KLHL41: variants seen among roughly 807,000 people sequenced by gnomAD.
KLHL41 encodes kelch like family member 41.
KLHL41 carries 31 observed loss-of-function variants against 49.2 expected under a neutral mutation model. The observed-to-expected ratio is 0.63, with a 90% CI of 0.47 to 0.85. The LOEUF is 0.85. Ranked by LOEUF, KLHL41 falls within the 40% of genes least tolerant of loss-of-function variation. KLHL41 has a pLI of 0.00. For synonymous variants in KLHL41, 218 were observed against 258.5 expected (o/e 0.84, Z 1.50); for missense variants, 663 against 726.7 (o/e 0.91, Z 1.01).
Position 169,525,819 on chromosome 2 carries a change from T to TAAGA in KLHL41, c.*124_*127dup. The TAAGA allele has an allele frequency of 1.8e-6, 1 of 564,816 alleles. No homozygotes were observed. Among genetic ancestry groups the TAAGA allele is most frequent in the Non-Finnish European group, 3.1e-6 (1 of 320,188 alleles). The allele number at this position is 564,816 out of a possible 1,614,324, so 35.0% of individuals were successfully genotyped here. ...AGAAATTATTCAAGAAGTTATTGTC[T>TAAGA]AAGAGATGAGCAGTAGGTAAGAAAA... On this transcript the variant is annotated 3_prime_UTR_variant, in exon 6 of 6. Coordinates refer to ENST00000284669, the MANE Select transcript of KLHL41 (RefSeq NM_006063.3).
At chr2:169,523,679 G>A (rs1383995675) in intron 5 of KLHL41, among the ~76,000 whole-genome samples, 2 of 152,084 alleles carry the variant, frequency 1.3e-5, no homozygotes, top group African/African-American at 2.4e-5. Flanking sequence ...TCTCCAGCTG[G>A]TTCTATTGGC....
intron 5 of KLHL41, among the ~76,000 whole-genome samples, chr2:169,524,187 T>C (rs1458207608): frequency 6.6e-6 from 1 of 152,146 alleles, no homozygotes; most frequent in African/African-American, 2.4e-5. Context: ...AACTATTATT[T>C]ATCTCTTAAT....
chr2:169,518,425 ATTG>A (rs776592055), intron 4 of KLHL41, 50 bp downstream of exon 4: 2 of 1,344,572 alleles, frequency 1.5e-6, no homozygotes, highest in Non-Finnish European at 2.1e-6. Flanking sequence ...ATACATTTTA[ATTG>A]TTAACTTTGG....
intron 3 of KLHL41, among the ~76,000 whole-genome samples, 168 bp downstream of exon 3, chr2:169,515,129 G>A (rs1684094726): frequency 6.6e-6 from 1 of 151,544 alleles, no homozygotes; most frequent in Non-Finnish European, 1.5e-5. Flanking sequence ...CGCCTCCTGG[G>A]TTCAAGCGAT....
intron 4 of KLHL41, among the ~76,000 whole-genome samples, chr2:169,519,795 T>C (rs945242354): frequency 1.3e-5 from 2 of 152,038 alleles, no homozygotes; most frequent in Admixed American, 6.6e-5. Flanking sequence ...GGTTTCACCA[T>C]GTTGGTCAGG....
At position 169,521,708 on chromosome 2, in the gene KLHL41, C is replaced by A. The variant is rs924026547; in HGVS notation, c.1709+701C>A. 5.3e-5 allele frequency among the ~76,000 whole-genome samples: 8 copies of A among 152,284 alleles called. 1 individual carries two copies. The highest frequency in any genetic ancestry group is 2.0e-4 in the Admixed American group (3 of 15,292). ...TACCCAGCCTAAAGAAACATTTAAC[C>A]TCTTGAGCTTTCCACTACTTCATTA... is the stretch of plus-strand genomic sequence containing the variant. On this transcript the variant is annotated intron_variant, in intron 5 of 5. Transcript: ENST00000284669.
rs745908034 is a variant in KLHL41, at chr2:169,520,925, T to G, written c.1627T>G (p.Ser543Ala). 1.2e-6 allele frequency: 2 copies of G among 1,613,966 alleles called. No individual in the cohort carries two copies. Among genetic ancestry groups the G allele is most frequent in the South Asian group, 2.2e-5 (2 of 91,088 alleles). The change falls in exon 5 of 6, where the codon TCT becomes GCT. Residue 543 changes from serine (S) to alanine (A), a missense_variant. Physicochemically the swap from Ser to Ala is moderately conservative, Grantham distance 99 (BLOSUM62 1). Coordinates refer to ENST00000284669, the MANE Select transcript of KLHL41 (RefSeq NM_006063.3). ...SSISLVSLAG[S>A]LYAIGGFAMI... ...CATCAGTTTGGTCAGCCTGGCTGGA[T>G]CTCTGTATGCAATTGGTGGTTTTGC...
chr2:169,515,014 G>C (rs1389348743), intron 3 of KLHL41, 53 bp downstream of exon 3: 1 of 1,112,412 alleles, frequency 9.0e-7, no homozygotes, highest in East Asian at 2.5e-5. Context: ...TTATTAGAAG[G>C]GTTTCTTCCT....
At chr2:169,524,416 ATC>A (rs377583494) in intron 5 of KLHL41, among the ~76,000 whole-genome samples, 3 of 145,028 alleles carry the variant, frequency 2.1e-5, no homozygotes, top group Non-Finnish European at 4.5e-5. Context: ...TTTGGGGTAA[ATC>A]TTTTTTTTTT....
intron 3 of KLHL41, among the ~76,000 whole-genome samples, chr2:169,517,395 G>A (rs1237891928): frequency 6.6e-6 from 1 of 152,202 alleles, no homozygotes. Context: ...TTGAGCTCAG[G>A]AATTCGAGAC....
At chr2:169,521,067 A>G in intron 5 of KLHL41, 60 bp downstream of exon 5, 1 of 1,512,588 alleles carries the variant, frequency 6.6e-7, no homozygotes, top group Non-Finnish European at 9.1e-7. Context: ...CTGATAAACT[A>G]TTTTGTAGTA....
rs1684193930 is a variant in KLHL41, at chr2:169,520,968, C to G, written c.1670C>G (p.Ser557Cys). Residue 557 changes from serine (S) to cysteine (C), a missense_variant, in exon 5 of 6, where the codon TCT becomes TGT. By Grantham distance (112) the Ser-to-Cys change is moderately radical. This residue lies in a region of KLHL41 where 528 missense variants were observed against 581.0 expected (regional missense o/e 0.91). Coordinates refer to ENST00000284669, the MANE Select transcript of KLHL41 (RefSeq NM_006063.3). The part of the protein sequence containing the change: ...IGGFAMIQLE[S>C]KEFAPTEVND... Reference sequence around the variant, plus strand: ...GGTTTTGCTATGATTCAACTGGAGTCTAAAGAATTTGCACCCACTGAAGTC... The same window carrying G: ...GGTTTTGCTATGATTCAACTGGAGTGTAAAGAATTTGCACCCACTGAAGTC... 1 of 1,613,968 alleles carries G rather than the reference C, an allele frequency of 6.2e-7. No individual in the cohort carries two copies. Among genetic ancestry groups the G allele is most frequent in the Non-Finnish European group, 8.5e-7 (1 of 1,179,922 alleles).
At chr2:169,511,804 A>C (rs376223263) in intron 1 of KLHL41, among the ~76,000 whole-genome samples, 159 of 152,352 alleles carry the variant, frequency 1.0e-3, no homozygotes, top group African/African-American at 3.7e-3. Flanking sequence ...TGTTTTGTGA[A>C]ACCACAGAAT....
chr2:169,515,601 A>C (rs1216574660), intron 3 of KLHL41, among the ~76,000 whole-genome samples: 2 of 152,198 alleles, frequency 1.3e-5, no homozygotes, highest in Non-Finnish European at 2.9e-5. Context: ...TTTAGCCATA[A>C]GTAGATAAAA....
Position 169,525,881 on chromosome 2 carries a change from T to A in KLHL41, c.*185T>A. On this transcript the variant is annotated 3_prime_UTR_variant, in exon 6 of 6. Transcript: ENST00000284669. ...GACTCTTCAATGTAATGATCAGAGT[T>A]TAAAACCATTTTCTAATAATAAATT... The A allele has an allele frequency of 2.5e-6, 1 of 401,096 alleles. No homozygotes were observed. Among genetic ancestry groups the A allele is most frequent in the Non-Finnish European group, 4.4e-6 (1 of 226,492 alleles). The allele number at this position is 401,096 out of a possible 1,614,324, so 24.8% of individuals were successfully genotyped here.
rs1479320156 is a variant in KLHL41, at chr2:169,525,578, CCAT to C, written c.1710-4_1710-2del. 11 of 1,551,444 alleles carry C rather than the reference CCAT, an allele frequency of 7.1e-6. No homozygotes were observed. Among genetic ancestry groups the C allele is most frequent in the Non-Finnish European group, 9.8e-6 (11 of 1,125,518 alleles). On this transcript the variant is annotated splice_region_variant and splice_polypyrimidine_tract_variant and intron_variant, in intron 5 of 5. Coordinates refer to ENST00000284669, the MANE Select transcript of KLHL41 (RefSeq NM_006063.3). The stretch of plus-strand genomic sequence containing the variant: ...GCTTATTGATTACTTTTTTTTTCCT[CCAT>C]CAGGTATGAAGATGATAAAAAAGAA...
chr2:169,520,982 C>T lies in KLHL41; in HGVS notation c.1684C>T (p.Pro562Ser), dbSNP rs1483622409. ...TCAACTGGAGTCTAAAGAATTTGCA[C>T]CCACTGAAGTCAATGACATATGGAA... The part of the protein sequence containing the change: ...MIQLESKEFA[P>S]TEVNDIWKYE... Residue 562 changes from proline (P) to serine (S), a missense_variant, in exon 5 of 6, where the codon CCC becomes TCC. Around this residue, in one of 3 missense-constraint regions of KLHL41, gnomAD observed 528 missense variants for 581.0 expected, o/e 0.91. Coordinates refer to ENST00000284669, the MANE Select transcript of KLHL41 (RefSeq NM_006063.3). The T allele has an allele frequency of 6.2e-7, 1 of 1,613,714 alleles. No homozygotes were observed. Among genetic ancestry groups the T allele is most frequent in the African/African-American group, 1.3e-5 (1 of 74,896 alleles).
At chr2:169,520,152 CTGTGTGTGTGTGTGTGTGTGTG>C (rs59155387) in intron 4 of KLHL41, among the ~76,000 whole-genome samples, 16 of 105,034 alleles carry the variant, frequency 1.5e-4, no homozygotes, top group South Asian at 1.1e-3. Context: ...AGGCCTAGCT[CTGTGTGTGTGTGTGTGTGTGTG>C]TGTGTGTGTG....
chr2:169,519,651 C>CT (rs11384512), intron 4 of KLHL41, among the ~76,000 whole-genome samples: 75,788 of 138,404 alleles, frequency 0.55, 20,744 homozygotes, highest in East Asian at 0.65. Flanking sequence ...TTTTCTCAAA[C>CT]TTTTTTTTTT....
Sources: allele counts gnomAD v4.1 joint callset (sites outside exome capture counted in the v4.1 genomes callset), GRCh38; gene constraint gnomAD v4.1.1; regional missense constraint gnomAD v4.1.1; transcripts MANE v1.5; gene names NCBI Gene and HGNC (gene_info 2026-07-23, HGNC 2026-07-21).